The following TMEM63A variants were observed in gnomAD, a reference collection of about 807,000 sequenced individuals.
TMEM63A encodes transmembrane protein 63A, also known as mechanosensitive cation channel TMEM63A.
In TMEM63A, 76 loss-of-function variants were observed where a neutral mutation model predicts 100.6. The ratio of observed to expected loss-of-function variants is 0.76; its 90% CI spans 0.63 to 0.91. TMEM63A has a LOEUF of 0.91. TMEM63A is among the 40% of genes least tolerant of loss of function. The probability of loss-of-function intolerance (pLI) is 0.00; values close to 1 mark genes in which losing one functional copy is unlikely to be tolerated. For synonymous variants in TMEM63A, 401 were observed against 401.1 expected (o/e 1.00, Z 0.00); for missense variants, 876 against 1,008.8 (o/e 0.87, Z 1.78).
chr1:225,842,281 C>A (rs1216049065), downstream of TMEM63A: 1 of 1,031,538 alleles, frequency 9.7e-7, no homozygotes, highest in Non-Finnish European at 1.5e-6. Context: ...CCGCCCTCTG[C>A]GGCCAGTGCC....
chr1:225,856,189 C>A (rs904608474), intron 17 of TMEM63A, among the ~76,000 whole-genome samples: 2 of 151,950 alleles, frequency 1.3e-5, no homozygotes, highest in Non-Finnish European at 2.9e-5. Flanking sequence ...ATTTTCTTTT[C>A]TCTTTTGTAG....
chr1:225,858,948 A>ATGTGTGTGTGTGTGTG (rs57543496), intron 15 of TMEM63A, among the ~76,000 whole-genome samples: 5 of 139,754 alleles, frequency 3.6e-5, no homozygotes, highest in African/African-American at 1.4e-4. Flanking sequence ...TATACATATA[A>ATGTGTGTGTGTGTGTG]TGTGTGTGTG....
Position 225,856,732 on chromosome 1 carries a change from C to T in TMEM63A, c.1491G>A (p.Gly497=). The change falls in exon 17 of 25, where the codon GGG becomes GGA. Residue 497 remains glycine (G), a synonymous_variant. Transcript: ENST00000366835. ...CTTTGGTCATCATGATCTGGTTTTC[C>T]CCCGACCTGCAGGAAGTCAAAGGTG... ...TLLESHWTKS[G]ENQIMMTKVY... The T allele has an allele frequency of 6.2e-7, 1 of 1,613,522 alleles. No individual in the cohort carries two copies. Among genetic ancestry groups the T allele is most frequent in the Non-Finnish European group, 8.5e-7 (1 of 1,179,864 alleles).
In TMEM63A at chr1:225,860,877, G is replaced by A; in HGVS notation, c.1206C>T (p.Asp402=). 1 of 1,610,436 alleles carries A rather than the reference G, an allele frequency of 6.2e-7. No individual in the cohort carries two copies. The highest frequency in any genetic ancestry group is 8.5e-7 in the Non-Finnish European group (1 of 1,178,356). The part of the protein sequence containing the change: ...TSKWTVTFAA[D]PEDICWKNLS... The stretch of plus-strand genomic sequence containing the variant: ...GAGCTTACCAGCAGATGTCCTCAGG[G>A]TCAGCAGCAAAGGTGACTGTCCACT... The change falls in exon 14 of 25, where the codon GAC becomes GAT. Residue 402 remains aspartate (D), a synonymous_variant. Transcript: ENST00000366835.
Position 225,850,032 on chromosome 1 carries a change from A to C in TMEM63A, c.1951T>G (p.Tyr651Asp), listed in dbSNP as rs1469722818. The stretch of plus-strand genomic sequence containing the variant: ...AGCTTGGCTGGGAGGTAGACGAAGT[A>C]GAGGTTGTGCCGGTCCACCATGTGC... ...LKHMVDRHNL[Y>D]FVYLPAKLEK... is the part of the protein sequence containing the mutation. The change falls in exon 21 of 25, where the codon TAC becomes GAC. Residue 651 changes from tyrosine to aspartate, a missense_variant. Tyr to Asp is a radical substitution (Grantham distance 160). This residue lies in a region of TMEM63A where 339 missense variants were observed against 342.3 expected (regional missense o/e 0.99). Transcript: ENST00000366835. 6.2e-7 allele frequency: 1 copy of C among 1,614,186 alleles called. No individual in the cohort carries two copies. Among genetic ancestry groups the C allele is most frequent in the East Asian group, 2.2e-5 (1 of 44,878 alleles).
In TMEM63A at chr1:225,867,214, G is replaced by A. The variant is rs758196382; in HGVS notation, c.515-51C>T. ...TCCAGGGTCATGTGGGGAAGCAGGA[G>A]GGGGCGTAACCAATCAGCCTTGGTT... On this transcript the variant is annotated intron_variant, in intron 7 of 24. Transcript: ENST00000366835. This position sits in a 1 kb window ranked among gnomAD's most constrained non-coding sequence, Gnocchi z 4.6. 1 of 1,594,648 alleles carries A rather than the reference G, an allele frequency of 6.3e-7. No homozygotes were observed. Among genetic ancestry groups the A allele is most frequent in the Non-Finnish European group, 8.6e-7 (1 of 1,162,416 alleles).
At chr1:225,881,191 G>A (rs1415038278) in intron 1 of TMEM63A, among the ~76,000 whole-genome samples, 1 of 152,234 alleles carries the variant, frequency 6.6e-6, no homozygotes, top group Non-Finnish European at 1.5e-5. Context: ...CAGAGGCAGT[G>A]TGGCTCAGGG....
downstream of TMEM63A, chr1:225,845,303 G>A (rs763600235): frequency 8.1e-6 from 13 of 1,612,240 alleles, no homozygotes; most frequent in Middle Eastern, 6.2e-4. Flanking sequence ...GGAGCTGCTC[G>A]CCCAGGACAT....
intron 2 of TMEM63A, among the ~76,000 whole-genome samples, chr1:225,878,884 CTACACA>C (rs1309919376): frequency 7.8e-5 from 4 of 51,596 alleles, no homozygotes; most frequent in African/African-American, 2.2e-4. Context: ...ACCTACCTAC[CTACACA>C]CACACACACA....
At chr1:225,866,755 G>C in intron 8 of TMEM63A, 73 bp from the exon 9 acceptor site, 1 of 1,368,840 alleles carries the variant, frequency 7.3e-7, no homozygotes, top group Non-Finnish European at 1.0e-6. Flanking sequence ...CTGGGGCCTG[G>C]TTACCCTCAG....
chr1:225,860,632 T>C (rs2102617629), intron 14 of TMEM63A: 2 of 392,746 alleles, frequency 5.1e-6, no homozygotes, highest in Admixed American at 4.5e-5. Context: ...ACTGGCATTA[T>C]ATTTCTGCTG....
At chr1:225,844,595 C>T (rs1452844999), downstream of TMEM63A, 53 of 1,614,042 alleles carry the variant, frequency 3.3e-5, no homozygotes, top group Non-Finnish European at 4.3e-5. Context: ...GAACCTGGGA[C>T]AGGGCTGGAT....
chr1:225,857,563 AG>A (rs1192326294), intron 15 of TMEM63A, among the ~76,000 whole-genome samples: 1 of 152,226 alleles, frequency 6.6e-6, no homozygotes, highest in Non-Finnish European at 1.5e-5. Flanking sequence ...TTGAAAACTA[AG>A]TTGGCTACTT....
chr1:225,874,164 C>T, intron 4 of TMEM63A, 124 bp downstream of exon 4: 3 of 951,034 alleles, frequency 3.2e-6, no homozygotes, highest in South Asian at 1.7e-5. Flanking sequence ...TAGCCCATTC[C>T]AGGGACACAC....
intron 6 of TMEM63A, among the ~76,000 whole-genome samples, chr1:225,869,662 T>TTTTCTTTTC (rs1553492515): frequency 1.4e-4 from 3 of 22,140 alleles, no homozygotes; most frequent in African/African-American, 2.4e-4. Context: ...ATTTCTTTTC[T>TTTTCTTTTC]TTTCTTTTTT....
chr1:225,868,160 A>G, intron 6 of TMEM63A, 130 bp from the exon 7 acceptor site: 1 of 1,169,572 alleles, frequency 8.6e-7, no homozygotes, highest in South Asian at 1.6e-5. Context: ...TTTTGTTCAC[A>G]TATGAGGAAA....
At chr1:225,849,152 AC>A (rs1414549272) in intron 21 of TMEM63A, 140 bp from the exon 22 acceptor site, 20 of 627,764 alleles carry the variant, frequency 3.2e-5, no homozygotes, top group Admixed American at 1.9e-4. Flanking sequence ...GTAAGGCCTA[AC>A]CCCCCACCCC....
Position 225,860,841 on chromosome 1 carries a change from C to G in TMEM63A, c.1223+19G>C. On this transcript the variant is annotated intron_variant, in intron 14 of 24. Transcript: ENST00000366835. ...GAACCCAGGCCTCTCTCCCACCTCT[C>G]CTTGGTCTAGGAGCTTACCAGCAGA... 6.3e-7 allele frequency: 1 copy of G among 1,586,238 alleles called. No homozygotes were observed. The highest frequency in any genetic ancestry group is 8.6e-7 in the Non-Finnish European group (1 of 1,165,360).
Position 225,872,053 on chromosome 1 carries a change from G to A in TMEM63A, c.267C>T (p.Ser89=), listed in dbSNP as rs140666618. ...ATGACAATCTCTGAAATCTGGACTC[G>A]CTAGAGACACAAAAAGAAAAAAAAT... is the stretch of plus-strand genomic sequence containing the variant. ...GRIALVSEAD[S]ESRFQRLSST... Residue 89 remains serine, a splice_region_variant and synonymous_variant, in exon 5 of 25, where the codon AGC becomes AGT. Coordinates refer to ENST00000366835, the MANE Select transcript of TMEM63A (RefSeq NM_014698.3). 5.8e-5 allele frequency: 92 copies of A among 1,598,584 alleles called. No individual in the cohort carries two copies. Among genetic ancestry groups the A allele is most frequent in the East Asian group, 2.0e-4 (9 of 44,768 alleles).
Sources: allele counts gnomAD v4.1 joint callset (sites outside exome capture counted in the v4.1 genomes callset), GRCh38; gene constraint gnomAD v4.1.1; regional missense constraint gnomAD v4.1.1; non-coding constraint Gnocchi (gnomAD v3.1); transcripts MANE v1.5; gene names NCBI Gene and HGNC (gene_info 2026-07-23, HGNC 2026-07-21).